Variants in STAU1 observed in about 807,000 individuals in gnomAD.
STAU1 encodes staufen double-stranded RNA binding protein 1.
In STAU1, 13 loss-of-function variants were observed where a neutral mutation model predicts 62.9. That is an observed-to-expected ratio of 0.21 (90% confidence interval 0.13 to 0.33). The LOEUF is 0.33. STAU1 is among the 10% of genes least tolerant of loss of function. The pLI is 1.00. For missense variants in STAU1, 571 were observed against 712.1 expected, an observed-to-expected ratio of 0.80 and a Z score of 2.25; for synonymous variants, 269 against 265.1, an observed-to-expected ratio of 1.01 and a Z score of -0.14.
intron 6 of STAU1, among the ~76,000 whole-genome samples, chr20:49,127,914 C>T (rs1428320511): frequency 1.3e-5 from 2 of 152,154 alleles, no homozygotes; most frequent in East Asian, 3.9e-4. Flanking sequence ...CTTTGGGAGG[C>T]CGAGGCAGGC....
At chr20:49,144,116 C>A (rs939072762) in intron 5 of STAU1, among the ~76,000 whole-genome samples, 2 of 152,220 alleles carry the variant, frequency 1.3e-5, no homozygotes, top group African/African-American at 4.8e-5. Flanking sequence ...ATTATAAACA[C>A]CAACAGAAGG....
chr20:49,187,271 G>A (rs2093799447), intron 1 of STAU1, among the ~76,000 whole-genome samples: 1 of 152,146 alleles, frequency 6.6e-6, no homozygotes, highest in Non-Finnish European at 1.5e-5. Context: ...TGAATATCCT[G>A]CAGTTGCCTA....
At chr20:49,118,280 AT>A in intron 10 of STAU1, 52 bp downstream of exon 10, 1 of 1,540,832 alleles carries the variant, frequency 6.5e-7, no homozygotes, top group South Asian at 1.1e-5. Flanking sequence ...TTCAGGACCC[AT>A]GCAAATCCCA....
intron 5 of STAU1, among the ~76,000 whole-genome samples, chr20:49,149,368 C>T (rs894109662): frequency 3.6e-5 from 5 of 138,466 alleles, no homozygotes; most frequent in African/African-American, 1.2e-4. Context: ...ACAACAAAAG[C>T]AAAAGCCAGA....
At chr20:49,115,292 C>T (rs933559716) in intron 13 of STAU1, among the ~76,000 whole-genome samples, 1 of 151,974 alleles carries the variant, frequency 6.6e-6, no homozygotes, top group African/African-American at 2.4e-5. Context: ...GTATGACCAA[C>T]TCAAAAAGGT....
At chr20:49,173,929 G>C (rs545041554) in intron 2 of STAU1, among the ~76,000 whole-genome samples, 1 of 152,232 alleles carries the variant, frequency 6.6e-6, no homozygotes, top group African/African-American at 2.4e-5. Flanking sequence ...AGCTTATTGA[G>C]CCAGTCATGT....
At chr20:49,118,135 A>G (rs960415712) in intron 10 of STAU1, 39 bp from the exon 11 acceptor site, 1 of 1,591,456 alleles carries the variant, frequency 6.3e-7, no homozygotes, top group Middle Eastern at 1.7e-4. Context: ...ATCCACATCC[A>G]CAGCCTGGAA....
At chr20:49,193,751 G>A in the STAU1 span, among the ~76,000 whole-genome samples, 472 of 151,416 alleles carry the variant, frequency 3.1e-3, 10 homozygotes, top group East Asian at 0.08. Context: ...GGCGGATCAC[G>A]AGGTCAGGAG....
chr20:49,137,832 ATTTT>A (rs34370524), intron 5 of STAU1, among the ~76,000 whole-genome samples: 6,109 of 128,416 alleles, frequency 0.048, 432 homozygotes, highest in African/African-American at 0.16. Flanking sequence ...CACCCGGCTA[ATTTT>A]TTTTTTTTTT....
the STAU1 span, among the ~76,000 whole-genome samples, chr20:49,213,982 C>CG: frequency 6.6e-6 from 1 of 152,036 alleles, no homozygotes; most frequent in Non-Finnish European, 1.5e-5. Context: ...GAGGCCGAGG[C>CG]GGGTGGGTCA....
At chr20:49,165,036 T>A (rs1164759804) in intron 3 of STAU1, among the ~76,000 whole-genome samples, 1 of 152,044 alleles carries the variant, frequency 6.6e-6, no homozygotes, top group Non-Finnish European at 1.5e-5. Context: ...TGTGGGAATT[T>A]TATTTATTTA....
At chr20:49,145,868 A>G (rs1426619010) in intron 5 of STAU1, among the ~76,000 whole-genome samples, 1 of 152,150 alleles carries the variant, frequency 6.6e-6, no homozygotes, top group Non-Finnish European at 1.5e-5. Flanking sequence ...CAGCCACTGC[A>G]CTCCAGCCTG....
intron 5 of STAU1, among the ~76,000 whole-genome samples, chr20:49,136,728 C>T (rs11696888): frequency 0.38 from 58,181 of 151,652 alleles, 11,240 homozygotes; most frequent in Middle Eastern, 0.48. Context: ...GATGGAGTCT[C>T]GCTCTGTTGC....
chr20:49,166,310 T>A, intron 2 of STAU1, 25 bp from the exon 3 acceptor site: 1 of 942,926 alleles, frequency 1.1e-6, no homozygotes, highest in Non-Finnish European at 1.6e-6. Flanking sequence ...GGAAAGAAAA[T>A]AAAAAGGTAA....
intron 5 of STAU1, among the ~76,000 whole-genome samples, chr20:49,137,131 A>G (rs1391924727): frequency 6.6e-6 from 1 of 152,230 alleles, no homozygotes; most frequent in Non-Finnish European, 1.5e-5. Context: ...GCCTGTAAAC[A>G]GCCACTGAAC....
intron 2 of STAU1, among the ~76,000 whole-genome samples, chr20:49,170,350 T>A (rs959752799): frequency 5.3e-5 from 8 of 152,228 alleles, no homozygotes; most frequent in Admixed American, 1.3e-4. Context: ...TAAGCAATTA[T>A]GGAAAAACAT....
chr20:49,151,615 G>C lies in STAU1; in HGVS notation c.477C>G (p.Ile159Met). The C allele has an allele frequency of 1.2e-6, 2 of 1,610,708 alleles. No individual in the cohort carries two copies. Among genetic ancestry groups the C allele is most frequent in the Non-Finnish European group, 1.7e-6 (2 of 1,178,766 alleles). Residue 159 changes from isoleucine (I) to methionine (M), a missense_variant, in exon 5 of 14, where the codon ATC becomes ATG. By Grantham distance (10) the Ile-to-Met change is conservative. Transcript: ENST00000371856. ...TCTCTGGCAGGGGCTCATTCTGCAG[G>C]ATCCTCAACGCTTTGGCAGCAGCAT... ...KHDAAAKALRILQNEPLPERL... is the reference protein window; with the variant it reads ...KHDAAAKALRMLQNEPLPERL...
intron 1 of STAU1, among the ~76,000 whole-genome samples, chr20:49,187,903 G>A (rs928266475): frequency 6.6e-6 from 1 of 151,944 alleles, no homozygotes; most frequent in Admixed American, 6.5e-5. Flanking sequence ...GGGGATGGGG[G>A]CGCCCGGGGC....
intron 6 of STAU1, among the ~76,000 whole-genome samples, chr20:49,128,374 G>A (rs546849961): frequency 6.6e-6 from 1 of 151,932 alleles, no homozygotes; most frequent in African/African-American, 2.4e-5. Context: ...ATATTTCCTA[G>A]CTCTATCTCC....
Sources: gnomAD v4.1 joint callset for allele counts (sites outside exome capture counted in the v4.1 genomes callset) on GRCh38, gnomAD v4.1.1 for gene constraint, MANE v1.5 for transcripts, NCBI Gene and HGNC (gene_info 2026-07-23, HGNC 2026-07-21) for gene names.